Variants in PRR14 observed in about 807,000 individuals in gnomAD.
PRR14 encodes the protein proline-rich protein 14.
Under a neutral mutation model 57.2 loss-of-function variants are expected in PRR14, and 33 were observed. The ratio of observed to expected loss-of-function variants is 0.58; its 90% CI spans 0.44 to 0.77. The LOEUF (loss-of-function observed/expected upper bound fraction) is 0.77. Among genes scored for constraint, PRR14 ranks in the 30% least tolerant of loss-of-function variants. The pLI is 0.00. For missense variants in PRR14, 716 were observed against 788.1 expected, an observed-to-expected ratio of 0.91 and a Z score of 1.10; for synonymous variants, 303 against 314.7, an observed-to-expected ratio of 0.96 and a Z score of 0.39.
rs753630933 is a variant in PRR14 at position 30,652,808 on chromosome 16, C to T, written c.280C>T (p.Pro94Ser). 2.4e-5 allele frequency: 38 copies of T among 1,614,110 alleles called. No individual in the cohort carries two copies. Among genetic ancestry groups the T allele is most frequent in the African/African-American group, 5.3e-5 (4 of 74,944 alleles). Residue 94 changes from proline (P) to serine (S), a missense_variant, in exon 4 of 12, where the codon CCA (proline) becomes TCA (serine). By Grantham distance (74) the Pro-to-Ser change is moderately conservative. Coordinates refer to ENST00000300835, the MANE Select transcript of PRR14 (RefSeq NM_024031.5). ...TGTCCACAGGCAGCCGCCTGCCTCGCCACCCCGGCAGGCCGGGTGGTCCTC... is the reference window on the plus strand; with the variant it reads ...TGTCCACAGGCAGCCGCCTGCCTCGTCACCCCGGCAGGCCGGGTGGTCCTC... The part of the protein sequence containing the change: ...DPVHRQPPAS[P>S]PRQAGWSSQA...
Position 30,651,938 on chromosome 16 carries a change from C to G in PRR14, c.166C>G (p.Leu56Val), listed in dbSNP as rs1172248196. ...CTCTCGGCGGGTCCTGGCCGTGGTG[C>G]TAGAAGATGTCATGGCTGTTCACAT... is the stretch of plus-strand genomic sequence containing the variant. ...KASRRVLAVV[L>V]EDVMAVHMVP... is the part of the protein sequence containing the mutation. The change falls in exon 3 of 12, where the codon CTA (leucine) becomes GTA (valine). Residue 56 changes from leucine to valine, a missense_variant. By Grantham distance (32) the Leu-to-Val change is conservative (BLOSUM62 1). Transcript: ENST00000300835. The surrounding 1 kb of genome is among the most constrained non-coding windows in gnomAD (Gnocchi z 5.0). 2 of 1,557,412 alleles carry G rather than the reference C, an allele frequency of 1.3e-6. No homozygotes were observed. Among genetic ancestry groups the G allele is most frequent in the Non-Finnish European group, 1.7e-6 (2 of 1,154,340 alleles).
In PRR14 at chr16:30,655,970, G is replaced by T. The variant is rs73536444; in HGVS notation, c.1478+31G>T. The T allele has an allele frequency of 3.1e-6, 5 of 1,611,470 alleles. No individual in the cohort carries two copies. The African/African-American group carries it at 6.7e-5, about 22-fold the overall frequency. On this transcript the variant is annotated intron_variant, in intron 11 of 11. Coordinates refer to ENST00000300835, the MANE Select transcript of PRR14 (RefSeq NM_024031.5). The surrounding 1 kb of genome is among the most constrained non-coding windows in gnomAD (Gnocchi z 4.6). Reference sequence around the variant, plus strand: ...ACACTTGGAAGGCTAGAGGGTGGCAGAGGGAAATCTGGAGCTGTGGAGCAC... The same window carrying T: ...ACACTTGGAAGGCTAGAGGGTGGCATAGGGAAATCTGGAGCTGTGGAGCAC...
In PRR14 at chr16:30,655,229, A is replaced by T; in HGVS notation, c.1244+15A>T. On this transcript the variant is annotated intron_variant, in intron 8 of 11. Coordinates refer to ENST00000300835, the MANE Select transcript of PRR14 (RefSeq NM_024031.5). This position sits in a 1 kb window ranked among gnomAD's most constrained non-coding sequence, Gnocchi z 4.6. ...GCAGAACCCAGGTAGTGCTCTCAAA[A>T]AACCCCCTTGAAGCCTGGCTGCAGC... 1 of 1,590,946 alleles carries T rather than the reference A, an allele frequency of 6.3e-7. No homozygotes were observed. The highest frequency in any genetic ancestry group is 1.1e-5 in the South Asian group (1 of 88,938).
chr16:30,654,762 C>G lies in PRR14; in HGVS notation c.792C>G (p.Phe264Leu). The G allele has an allele frequency of 6.2e-7, 1 of 1,613,302 alleles. No homozygotes were observed. The highest frequency in any genetic ancestry group is 8.5e-7 in the Non-Finnish European group (1 of 1,179,734). ...RSKLESFADI[F>L]LTPNKTPQPP... ...AGCTGGAGAGCTTTGCTGACATCTT[C>G]CTCACGCCCAACAAAACCCCACAGC... The change falls in exon 8 of 12, where the codon TTC becomes TTG. Residue 264 changes from phenylalanine (F) to leucine (L), a missense_variant. Phe to Leu is a conservative substitution (Grantham distance 22, BLOSUM62 0). Coordinates refer to ENST00000300835, the MANE Select transcript of PRR14 (RefSeq NM_024031.5).
At position 30,655,873 on chromosome 16, in the gene PRR14, A is replaced by C. The variant is rs1218205910; in HGVS notation, c.1412A>C (p.Asn471Thr). 6.2e-7 allele frequency: 1 copy of C among 1,614,036 alleles called. No homozygotes were observed. The highest frequency in any genetic ancestry group is 1.3e-5 in the African/African-American group (1 of 74,918). The change falls in exon 11 of 12, where the codon AAC (asparagine) becomes ACC (threonine). Residue 471 changes from asparagine (N) to threonine (T), a missense_variant. Physicochemically the swap from Asn to Thr is moderately conservative, Grantham distance 65. Coordinates refer to ENST00000300835, the MANE Select transcript of PRR14 (RefSeq NM_024031.5). The surrounding 1 kb of genome is among the most constrained non-coding windows in gnomAD (Gnocchi z 4.6). Reference protein sequence around the residue: ...PMGLPRPIRLNKKEFSLEEIY... With the variant: ...PMGLPRPIRLTKKEFSLEEIY... The stretch of plus-strand genomic sequence containing the variant: ...CCTCTGCTCTTTGCTCACAGGTTGA[A>C]CAAGAAGGAGTTCAGCTTGGAAGAA...
At position 30,654,651 on chromosome 16, in the gene PRR14, C is replaced by T. The variant is rs966598674; in HGVS notation, c.681C>T (p.Leu227=). 30 of 1,608,970 alleles carry T rather than the reference C, an allele frequency of 1.9e-5. No homozygotes were observed. The highest frequency in any genetic ancestry group is 2.5e-5 in the Non-Finnish European group (29 of 1,176,980). Residue 227 remains leucine (L), a synonymous_variant, in exon 8 of 12, where the codon CTC becomes CTT. Coordinates refer to ENST00000300835, the MANE Select transcript of PRR14 (RefSeq NM_024031.5). ...PPTAPDPALE[L]PSTPPPSSLL... is the part of the protein sequence containing the mutation. The stretch of plus-strand genomic sequence containing the variant: ...CAGCCCCAGATCCTGCTCTGGAGCT[C>T]CCATCCACCCCACCACCGTCCAGCC...
intron 3 of PRR14, 145 bp from the exon 4 acceptor site, chr16:30,652,576 A>G (rs1410287071): frequency 9.8e-7 from 1 of 1,025,044 alleles, no homozygotes; most frequent in Non-Finnish European, 1.5e-6. Flanking sequence ...ATTCAGTCCA[A>G]TTCATCTCTT....
chr16:30,651,987 C>A lies in PRR14; in HGVS notation c.192+23C>A. ...ATGGTGAGCCCCCTGAACCAAGAGA[C>A]TCTCTATTCCCCCATGACTTTCCTC... On this transcript the variant is annotated intron_variant, in intron 3 of 11. Coordinates refer to ENST00000300835, the MANE Select transcript of PRR14 (RefSeq NM_024031.5). The surrounding 1 kb of genome is among the most constrained non-coding windows in gnomAD (Gnocchi z 5.0). 1 of 1,520,456 alleles carries A rather than the reference C, an allele frequency of 6.6e-7. No individual in the cohort carries two copies. Among genetic ancestry groups the A allele is most frequent in the Non-Finnish European group, 8.8e-7 (1 of 1,136,936 alleles). The allele number at this position is 1,520,456 out of a possible 1,614,324, so 94.2% of individuals were successfully genotyped here.
chr16:30,655,467 A>G lies in PRR14; in HGVS notation c.1315-35A>G, dbSNP rs374510412. On this transcript the variant is annotated intron_variant, in intron 9 of 11. Coordinates refer to ENST00000300835, the MANE Select transcript of PRR14 (RefSeq NM_024031.5). The surrounding 1 kb of genome is among the most constrained non-coding windows in gnomAD (Gnocchi z 4.6). ...AAGAGACTAGTGGGGGCCTGAGCCC[A>G]TGTCACTCTTTCACCCTCTGCCCCA... is the stretch of plus-strand genomic sequence containing the variant. The G allele has an allele frequency of 3.1e-6, 5 of 1,613,872 alleles. No individual in the cohort carries two copies. Among genetic ancestry groups the G allele is most frequent in the Non-Finnish European group, 4.2e-6 (5 of 1,179,758 alleles).
chr16:30,652,293 T>C (rs1383940016), intron 3 of PRR14: 6 of 574,134 alleles, frequency 1.0e-5, no homozygotes, highest in South Asian at 9.1e-5. Flanking sequence ...CAAACTGGCA[T>C]CAAGCGATCT....
At position 30,651,997 on chromosome 16, in the gene PRR14, C is replaced by T. The variant is rs186571035; in HGVS notation, c.192+33C>T. 11 of 1,517,122 alleles carry T rather than the reference C, an allele frequency of 7.3e-6. No individual in the cohort carries two copies. In the East Asian group the frequency reaches 2.5e-4, roughly 34 times the overall value. 94.0% of individuals were successfully genotyped at this position (1,517,122 alleles called of 1,614,324 possible). A position where few individuals can be genotyped will look rare whatever the true frequency, so the allele number is the denominator to read the frequency against. ...CCCTGAACCAAGAGACTCTCTATTC[C>T]CCCATGACTTTCCTCACTACCAAAC... is the stretch of plus-strand genomic sequence containing the variant. On this transcript the variant is annotated intron_variant, in intron 3 of 11. Coordinates refer to ENST00000300835, the MANE Select transcript of PRR14 (RefSeq NM_024031.5). The surrounding 1 kb of genome is among the most constrained non-coding windows in gnomAD (Gnocchi z 5.0).
At position 30,651,085 on chromosome 16, in the gene PRR14, G is replaced by A. The variant is rs1379514532; in HGVS notation, c.-93G>A. On this transcript the variant is annotated 5_prime_UTR_variant, in exon 1 of 12. Transcript: ENST00000300835. This position sits in a 1 kb window ranked among gnomAD's most constrained non-coding sequence, Gnocchi z 5.0. ...CTTTGCGGCGCTGAAGCTTACAGGG[G>A]AAGGAAAAGCCTCGCCCGGCGTCTG... 2.2e-6 allele frequency: 1 copy of A among 454,918 alleles called. No individual in the cohort carries two copies. The allele number at this position is 454,918 out of a possible 1,614,324, so 28.2% of individuals were successfully genotyped here.
intron 7 of PRR14, 75 bp downstream of exon 7, chr16:30,654,414 C>T (rs2052344890): frequency 2.3e-6 from 3 of 1,313,528 alleles, no homozygotes; most frequent in Admixed American, 1.7e-5. Flanking sequence ...GTGTCAGGTA[C>T]AGAGTTGGGG....
Position 30,654,616 on chromosome 16 carries a change from C to CG in PRR14, c.659-13_659-12insG. 6.3e-7 allele frequency: 1 copy of CG among 1,580,246 alleles called. No individual in the cohort carries two copies. Among genetic ancestry groups the CG allele is most frequent in the Non-Finnish European group, 8.6e-7 (1 of 1,159,048 alleles). ...CCAAGGAATATCCACCTGTGACCCT[C>CG]TCCTTTCCTCAGCCCCAGATCCTGC... On this transcript the variant is annotated splice_polypyrimidine_tract_variant and intron_variant, in intron 7 of 11. Coordinates refer to ENST00000300835, the MANE Select transcript of PRR14 (RefSeq NM_024031.5).
In PRR14 at chr16:30,655,029, A is replaced by T. The variant is rs1410878182; in HGVS notation, c.1059A>T (p.Gln353His). ...GTCTWPPAPP[Q>H]PSRPRPRRHT... Reference sequence around the variant, plus strand: ...GCACCTGGCCACCTGCTCCACCCCAACCAAGCCGACCACGGCCGCGGCGGC... The same window carrying T: ...GCACCTGGCCACCTGCTCCACCCCATCCAAGCCGACCACGGCCGCGGCGGC... Residue 353 changes from glutamine (Q) to histidine (H), a missense_variant, in exon 8 of 12, where the codon CAA becomes CAT. Coordinates refer to ENST00000300835, the MANE Select transcript of PRR14 (RefSeq NM_024031.5). This position sits in a 1 kb window ranked among gnomAD's most constrained non-coding sequence, Gnocchi z 4.6. 6.2e-7 allele frequency: 1 copy of T among 1,609,756 alleles called. No individual in the cohort carries two copies. Among genetic ancestry groups the T allele is most frequent in the East Asian group, 2.2e-5 (1 of 44,842 alleles).
At position 30,653,131 on chromosome 16, in the gene PRR14, A is replaced by G. The variant is rs760123502; in HGVS notation, c.504+28A>G. The G allele has an allele frequency of 2.2e-5, 34 of 1,568,616 alleles. No homozygotes were observed. In the South Asian group the frequency reaches 3.9e-4, roughly 18 times the overall value. On this transcript the variant is annotated intron_variant, in intron 5 of 11. Transcript: ENST00000300835. ...ATGGGAACTGAGGGTACGGATGTCA[A>G]GGGTTCTGCTGGGTTCCAGCAGGGA... is the stretch of plus-strand genomic sequence containing the variant.
Position 30,654,344 on chromosome 16 carries a change from G to A in PRR14, c.658+5G>A. On this transcript the variant is annotated splice_donor_5th_base_variant and intron_variant, in intron 7 of 11. Coordinates refer to ENST00000300835, the MANE Select transcript of PRR14 (RefSeq NM_024031.5). Reference sequence around the variant, plus strand: ...CTCTGGAGAGCCCACCAACAGGTAAGGACTTGGGTAGAGATCGGATGAGAC... The same window carrying A: ...CTCTGGAGAGCCCACCAACAGGTAAAGACTTGGGTAGAGATCGGATGAGAC... 1 of 1,606,374 alleles carries A rather than the reference G, an allele frequency of 6.2e-7. No homozygotes were observed.
rs758884796 is a variant in PRR14 at position 30,652,910 on chromosome 16, C to T, written c.315-4C>T. On this transcript the variant is annotated splice_region_variant and splice_polypyrimidine_tract_variant and intron_variant, in intron 4 of 11. Transcript: ENST00000300835. ...CCATTTTAATCTTCCTGTTCCCTCG[C>T]TAGGCCTCCCGACCCTCTGTGTTTG... 1.2e-6 allele frequency: 2 copies of T among 1,613,942 alleles called. No individual in the cohort carries two copies. Among genetic ancestry groups the T allele is most frequent in the Non-Finnish European group, 1.7e-6 (2 of 1,179,906 alleles).
chr16:30,650,865 G>C (rs917253267), upstream of PRR14: 1 of 359,772 alleles, frequency 2.8e-6, no homozygotes, highest in Non-Finnish European at 5.9e-6. Flanking sequence ...AGTGGGGGCG[G>C]GGAAGGAAAC....
Sources: gnomAD v4.1 joint callset for allele counts on GRCh38, gnomAD v4.1.1 for gene constraint, Gnocchi (gnomAD v3.1) non-coding constraint, MANE v1.5 for transcripts, NCBI Gene and HGNC (gene_info 2026-07-23, HGNC 2026-07-21) for gene names.